Variants in CSMD1 observed in about 807,000 individuals in gnomAD.
CSMD1 encodes CUB and sushi domain-containing protein 1.
CSMD1 carries 213 observed loss-of-function variants against 417.5 expected under a neutral mutation model. That is an observed-to-expected ratio of 0.51 (90% CI 0.46 to 0.57). The LOEUF (loss-of-function observed/expected upper bound fraction) is 0.57, where lower values mean the gene tolerates loss of function less well. CSMD1 is among the 20% of genes least tolerant of loss of function. The pLI is 0.00. For synonymous variants in CSMD1, 2,862 were observed against 1,736.8 expected, an observed-to-expected ratio of 1.65 and a Z score of -16.11; for missense variants, 6,923 against 4,529.7, an observed-to-expected ratio of 1.53 and a Z score of -15.17.
intron 3 of CSMD1, among the ~76,000 whole-genome samples, chr8:4,299,362 T>C (rs1797858720): frequency 6.6e-6 from 1 of 152,162 alleles, no homozygotes; most frequent in African/African-American, 2.4e-5. Context: ...TGACATATTG[T>C]AAGTGTCTGA....
chr8:3,839,000 AATATT>A (rs1421127654), intron 5 of CSMD1, among the ~76,000 whole-genome samples: 2 of 122,988 alleles, frequency 1.6e-5, no homozygotes, highest in Non-Finnish European at 3.1e-5. Context: ...ATATAATTAT[AATATT>A]ATATATTTAT....
At chr8:4,135,066 G>T (rs940091847) in intron 3 of CSMD1, among the ~76,000 whole-genome samples, 1 of 151,994 alleles carries the variant, frequency 6.6e-6, no homozygotes, top group East Asian at 1.9e-4. Context: ...AGCACAGTGA[G>T]TTCACATAGA....
intron 50 of CSMD1, 118 bp from the exon 51 acceptor site, chr8:3,029,631 G>T: frequency 1.3e-6 from 1 of 765,148 alleles, no homozygotes; most frequent in Non-Finnish European, 2.1e-6. Flanking sequence ...CAAAGTTGAT[G>T]CCATTACGTA....
chr8:4,942,738 C>A (rs1808093267), intron 1 of CSMD1, among the ~76,000 whole-genome samples: 1 of 152,186 alleles, frequency 6.6e-6, no homozygotes, highest in African/African-American at 2.4e-5. Context: ...TACCGACCTT[C>A]ATCAACACAG....
At chr8:3,446,628 G>A (rs915227455) in intron 12 of CSMD1, among the ~76,000 whole-genome samples, 1 of 152,144 alleles carries the variant, frequency 6.6e-6, no homozygotes, top group Admixed American at 6.5e-5. Context: ...GTAGACAAAA[G>A]AAACGCTGTT....
intron 49 of CSMD1, among the ~76,000 whole-genome samples, chr8:3,056,705 A>G (rs1812252481): frequency 1.3e-5 from 2 of 148,214 alleles, no homozygotes; most frequent in Non-Finnish European, 2.9e-5. Flanking sequence ...AAGTATTTCC[A>G]ATGTAAGAAT....
chr8:4,389,101 A>G (rs952431580), intron 3 of CSMD1, among the ~76,000 whole-genome samples: 21 of 152,202 alleles, frequency 1.4e-4, no homozygotes, highest in African/African-American at 5.1e-4. Context: ...GTTTCCAGTG[A>G]AAGTCTGTAC....
chr8:3,442,023 G>T (rs1440104064), intron 12 of CSMD1, among the ~76,000 whole-genome samples: 1 of 151,230 alleles, frequency 6.6e-6, no homozygotes, highest in South Asian at 2.1e-4. Flanking sequence ...TGTTTTGTGT[G>T]TTTGTGTATT....
chr8:2,970,229 G>C (rs574458854), intron 57 of CSMD1, among the ~76,000 whole-genome samples: 1 of 152,144 alleles, frequency 6.6e-6, no homozygotes, highest in African/African-American at 2.4e-5. Context: ...GCCCCACAGA[G>C]GTGAGATTGC....
intron 6 of CSMD1, among the ~76,000 whole-genome samples, chr8:3,752,037 C>G (rs543885056): frequency 5.3e-5 from 8 of 152,144 alleles, no homozygotes; most frequent in South Asian, 2.1e-4. Flanking sequence ...CAGAATTTCT[C>G]TACCAGACCA....
At chr8:3,299,494 C>T (rs915746330) in intron 25 of CSMD1, among the ~76,000 whole-genome samples, 3 of 152,102 alleles carry the variant, frequency 2.0e-5, no homozygotes, top group African/African-American at 7.2e-5. Context: ...CTAAGGAACT[C>T]TGTGATATCA....
intron 18 of CSMD1, among the ~76,000 whole-genome samples, chr8:3,377,157 T>C (rs1427254672): frequency 6.6e-6 from 1 of 152,134 alleles, no homozygotes; most frequent in Non-Finnish European, 1.5e-5. Context: ...TATAGGCACA[T>C]GCCAATACCC....
At chr8:4,106,383 C>T (rs1021691073) in intron 3 of CSMD1, among the ~76,000 whole-genome samples, 1 of 152,152 alleles carries the variant, frequency 6.6e-6, no homozygotes, top group Non-Finnish European at 1.5e-5. Flanking sequence ...TACAATGCTG[C>T]ATAATTGATC....
At chr8:4,967,492 A>T (rs558603283) in intron 1 of CSMD1, among the ~76,000 whole-genome samples, 1 of 152,246 alleles carries the variant, frequency 6.6e-6, no homozygotes, top group South Asian at 2.1e-4. Flanking sequence ...CTATGTACAC[A>T]CTCTCATGAA....
At chr8:4,929,320 C>G (rs1339618999) in intron 1 of CSMD1, among the ~76,000 whole-genome samples, 3 of 152,156 alleles carry the variant, frequency 2.0e-5, no homozygotes, top group African/African-American at 4.8e-5. Context: ...CACATTTCTA[C>G]TCTTTAAGCC....
intron 6 of CSMD1, among the ~76,000 whole-genome samples, chr8:3,727,918 T>G (rs1802587829): frequency 6.6e-6 from 1 of 152,130 alleles, no homozygotes; most frequent in Non-Finnish European, 1.5e-5. Flanking sequence ...GTAGTCAAAT[T>G]CAAAGAGCGG....
At chr8:3,487,248 C>G (rs1818097348) in intron 11 of CSMD1, among the ~76,000 whole-genome samples, 1 of 152,138 alleles carries the variant, frequency 6.6e-6, no homozygotes, top group Admixed American at 6.5e-5. Flanking sequence ...GTCTCCCAGG[C>G]TGGAGTGCAG....
chr8:3,724,536 G>A (rs1802379005), intron 6 of CSMD1, among the ~76,000 whole-genome samples: 1 of 152,116 alleles, frequency 6.6e-6, no homozygotes, highest in Middle Eastern at 3.4e-3. Flanking sequence ...TTTCAAAAGG[G>A]TCCTAAGGCT....
rs761726199 is a variant in CSMD1 at position 3,753,941 on chromosome 8, G to A, written c.920C>T (p.Ala307Val). The A allele has an allele frequency of 1.2e-6, 2 of 1,609,068 alleles. No individual in the cohort carries two copies. The highest frequency in any genetic ancestry group is 1.7e-6 in the Non-Finnish European group (2 of 1,176,216). ...TGGAGCATCCTTACCTTGGAACTGA[G>A]CGTTAAATCCTTTGCGTCGGTGGTT... ...DSNHRRKGFN[A>V]QFQVKKAIEL... The change falls in exon 6 of 70, where the codon GCT (alanine) becomes GTT (valine). Residue 307 changes from alanine (A) to valine (V), a missense_variant. Coordinates refer to ENST00000635120, the MANE Select transcript of CSMD1 (RefSeq NM_033225.6).
Sources: gnomAD v4.1 joint callset for allele counts (sites outside exome capture counted in the v4.1 genomes callset) on GRCh38, gnomAD v4.1.1 for gene constraint, MANE v1.5 for transcripts, NCBI Gene and HGNC (gene_info 2026-07-23, HGNC 2026-07-21) for gene names.